The following DACT2 variants were observed in gnomAD, a reference collection of about 807,000 sequenced individuals.
DACT2 encodes the protein dishevelled binding antagonist of beta catenin 2, also known as dapper homolog 2.
DACT2 carries 20 observed loss-of-function variants against 22.2 expected under a neutral mutation model. The observed-to-expected ratio is 0.90, with a 90% confidence interval of 0.63 to 1.31. The LOEUF is 1.31. Among genes scored for constraint, DACT2 ranks in the 50% most tolerant of loss-of-function variants. DACT2 has a pLI of 0.00. For synonymous variants in DACT2, 463 were observed against 479.8 expected (o/e 0.96, Z 0.46); for missense variants, 1,048 against 1,061.4 (o/e 0.99, Z 0.18).
In DACT2 at chr6:168,308,521, C is replaced by G. The variant is rs552681708; in HGVS notation, c.1236G>C (p.Glu412Asp). 12 of 1,551,378 alleles carry G rather than the reference C, an allele frequency of 7.7e-6. No individual in the cohort carries two copies. The South Asian group carries it at 8.3e-5, about 11-fold the overall frequency. The stretch of plus-strand genomic sequence containing the variant: ...GAAGGCTGCCAGACTGCTGGGGACC[C>G]TCAAGGGGCATGTATCCCTGCTGCT... ...GPQQQGYMPL[E>D]GPQQSGSLPE... Residue 412 changes from glutamate to aspartate, a missense_variant, in exon 4 of 4, where the codon GAG (glutamate) becomes GAC (aspartate). Coordinates refer to ENST00000366795, the MANE Select transcript of DACT2 (RefSeq NM_214462.5).
chr6:168,308,879 T>G lies in DACT2; in HGVS notation c.878A>C (p.Lys293Thr), dbSNP rs1467517380. The change falls in exon 4 of 4, where the codon AAG becomes ACG. Residue 293 changes from lysine to threonine, a missense_variant. Physicochemically the swap from Lys to Thr is moderately conservative, Grantham distance 78. Coordinates refer to ENST00000366795, the MANE Select transcript of DACT2 (RefSeq NM_214462.5). The part of the protein sequence containing the change: ...ALQSPLFVLT[K>T]ETPQRGGPSF... ...GGGGCCACCTCTCTGTGGGGTTTCCTTAGTCAGGACAAACAGGGGGCTCTG... is the reference window on the plus strand; with the variant it reads ...GGGGCCACCTCTCTGTGGGGTTTCCGTAGTCAGGACAAACAGGGGGCTCTG... The G allele has an allele frequency of 1.3e-6, 2 of 1,551,068 alleles. No individual in the cohort carries two copies. Among genetic ancestry groups the G allele is most frequent in the Non-Finnish European group, 8.7e-7 (1 of 1,146,868 alleles).
At chr6:168,296,666 G>A (rs539763083) in intron 3 of DACT2, among the ~76,000 whole-genome samples, 1 of 152,352 alleles carries the variant, frequency 6.6e-6, no homozygotes, top group South Asian at 2.1e-4. Context: ...AAGTATCACG[G>A]GCACCTCCAG....
chr6:168,295,015 G>T lies in DACT2; in HGVS notation c.659-311C>A, dbSNP rs537558223. 2.0e-5 allele frequency among the ~76,000 whole-genome samples: 3 copies of T among 152,342 alleles called. No individual in the cohort carries two copies. The South Asian group carries it at 6.2e-4, about 32-fold the overall frequency. ...TCTTGCTTGTGGAACAAGGGGCTCA[G>T]CATCTTCCCTTTGGTGCTGAGTCCC... On this transcript the variant is annotated intron_variant, in intron 3 of 5. Coordinates refer to the DACT2 transcript ENST00000366796.
At chr6:168,306,727 G>A (rs1160094536), downstream of DACT2, among the ~76,000 whole-genome samples, 1 of 152,074 alleles carries the variant, frequency 6.6e-6, no homozygotes, top group Non-Finnish European at 1.5e-5. Flanking sequence ...TGGGATCACA[G>A]GCGTGAGCCA....
intron 4 of DACT2, among the ~76,000 whole-genome samples, chr6:168,294,467 C>T (rs974958754): frequency 1.1e-4 from 16 of 147,938 alleles, no homozygotes; most frequent in Admixed American, 4.7e-4. Flanking sequence ...TATCCCTCCC[C>T]GCTCCCCCCA....
intron 3 of DACT2, among the ~76,000 whole-genome samples, chr6:168,295,516 T>C (rs1778993257): frequency 6.6e-6 from 1 of 152,180 alleles, no homozygotes; most frequent in Non-Finnish European, 1.5e-5. Flanking sequence ...CCAATTTTAT[T>C]TATTATACAG....
intron 3 of DACT2, chr6:168,294,711 AG>A (rs1180711783): frequency 6.9e-7 from 1 of 1,457,506 alleles, no homozygotes; most frequent in Non-Finnish European, 9.0e-7. Flanking sequence ...AGCTCTGGTA[AG>A]AACAAAATGC....
In DACT2 at chr6:168,310,439, G is replaced by T; in HGVS notation, c.387C>A (p.Tyr129Ter). Residue 129 changes from tyrosine to a stop codon, truncating the protein, a stop_gained, in exon 3 of 4, where the codon TAC becomes TAA. Coordinates refer to ENST00000366795, the MANE Select transcript of DACT2 (RefSeq NM_214462.5). LOFTEE classifies it high-confidence loss of function. ...DSDSRPSSGF[Y>*]EMSDGGSCSL... is the part of the protein sequence containing the mutation. ...AGCAGGATCCACCGTCGCTCATCTC[G>T]TAAAAGCCTGGACGGAGCAGACAAG... The T allele has an allele frequency of 1.3e-6, 2 of 1,549,940 alleles. No individual in the cohort carries two copies. Among genetic ancestry groups the T allele is most frequent in the Non-Finnish European group, 1.7e-6 (2 of 1,146,398 alleles).
chr6:168,315,001 C>T (rs1281082350), intron 1 of DACT2, among the ~76,000 whole-genome samples: 1 of 152,208 alleles, frequency 6.6e-6, no homozygotes, highest in Non-Finnish European at 1.5e-5. Flanking sequence ...TCCCTTGGTT[C>T]CCGTGTGCTC....
chr6:168,309,237 G>A lies in DACT2; in HGVS notation c.659-139C>T, dbSNP rs1005772550. 3.9e-5 allele frequency: 53 copies of A among 1,347,458 alleles called. No homozygotes were observed. The African/African-American group carries it at 6.5e-4, about 16-fold the overall frequency. The allele number at this position is 1,347,458 out of a possible 1,614,324, so 83.5% of individuals were successfully genotyped here. On this transcript the variant is annotated intron_variant, in intron 3 of 3. Transcript: ENST00000366795. ...GGAACTCCTGGGTCCCATGGGAGAC[G>A]GCGACTCACAGTCACTGAGGTCCGC...
intron 3 of DACT2, among the ~76,000 whole-genome samples, chr6:168,295,379 C>A (rs1778991046): frequency 6.6e-6 from 1 of 152,148 alleles, no homozygotes; most frequent in Non-Finnish European, 1.5e-5. Context: ...GGTTTGATTG[C>A]AGGCACTGAA....
exon 5 of DACT2, chr6:168,294,168 C>T (rs1004134720): frequency 1.4e-6 from 1 of 702,838 alleles, no homozygotes; most frequent in African/African-American, 1.7e-5. Flanking sequence ...CCACAGAGGC[C>T]ACACTTTCCT....
At chr6:168,300,818 A>G (rs891763672) in intron 3 of DACT2, among the ~76,000 whole-genome samples, 1 of 151,976 alleles carries the variant, frequency 6.6e-6, no homozygotes, top group Non-Finnish European at 1.5e-5. Context: ...AACCCCGTCT[A>G]TGCTAAAGAT....
At position 168,307,516 on chromosome 6, in the gene DACT2, C is replaced by T; in HGVS notation, c.2241G>A (p.Leu747=). ...GGGCCTTGGAGGCCTTAATACGGCA[C>T]AGCTTGGGCACGGGGGACAGGAGTG... ...SGPLLSPVPK[L]CRIKASKALK... Residue 747 remains leucine (L), a synonymous_variant, in exon 4 of 4, where the codon CTG becomes CTA. Coordinates refer to ENST00000366795, the MANE Select transcript of DACT2 (RefSeq NM_214462.5). The surrounding 1 kb of genome is among the most constrained non-coding windows in gnomAD (Gnocchi z 5.3). 2 of 1,551,580 alleles carry T rather than the reference C, an allele frequency of 1.3e-6. No homozygotes were observed. Among genetic ancestry groups the T allele is most frequent in the South Asian group, 1.2e-5 (1 of 84,056 alleles).
Position 168,310,334 on chromosome 6 carries a change from G to A in DACT2, c.492C>T (p.Ala164=). 2 of 1,551,608 alleles carry A rather than the reference G, an allele frequency of 1.3e-6. No homozygotes were observed. The highest frequency in any genetic ancestry group is 1.7e-6 in the Non-Finnish European group (2 of 1,146,942). Reference sequence around the variant, plus strand: ...CCCCCATGCTGGGCCTGGCCTTGTGGGCCTGGGCCACAGGCAACAAACTGC... The same window carrying A: ...CCCCCATGCTGGGCCTGGCCTTGTGAGCCTGGGCCACAGGCAACAAACTGC... ...SLGSLLPVAQ[A]HKARPSMGDW... The change falls in exon 3 of 4, where the codon GCC becomes GCT. Residue 164 remains alanine, a synonymous_variant. Transcript: ENST00000366795.
chr6:168,312,675 C>T (rs1310951364), intron 1 of DACT2, among the ~76,000 whole-genome samples: 1 of 152,138 alleles, frequency 6.6e-6, no homozygotes, highest in African/African-American at 2.4e-5. Context: ...ACGATTAAGG[C>T]AAATAATTAA....
At chr6:168,316,114 T>C (rs1779537061) in intron 1 of DACT2, among the ~76,000 whole-genome samples, 1 of 152,272 alleles carries the variant, frequency 6.6e-6, no homozygotes, top group African/African-American at 2.4e-5. Flanking sequence ...AAAATCTGTT[T>C]GATCTTCTCT....
rs895766632 is a variant in DACT2, at chr6:168,308,809, G to A, written c.948C>T (p.Thr316=). ...ESPRGPAGLN[T]IQTGPVLEAG... The stretch of plus-strand genomic sequence containing the variant: ...CCTCGAGGACCGGCCCAGTCTGGAT[G>A]GTGTTCAGACCTGCGGGGCCCCTGG... Residue 316 remains threonine (T), a synonymous_variant, in exon 4 of 4, where the codon ACC becomes ACT. Transcript: ENST00000366795. 6 of 1,551,368 alleles carry A rather than the reference G, an allele frequency of 3.9e-6. No individual in the cohort carries two copies. The highest frequency in any genetic ancestry group is 5.2e-6 in the Non-Finnish European group (6 of 1,147,018).
At position 168,308,595 on chromosome 6, in the gene DACT2, C is replaced by A; in HGVS notation, c.1162G>T (p.Asp388Tyr). ...CTGCTCTGAGCTGGCCCTCCCTCGT[C>A]CTCCCTCCCTGGGGCGAAGACCAGC... ...RLLVFAPGRE[D>Y]EGGPAQSRGA... The change falls in exon 4 of 4, where the codon GAC (aspartate) becomes TAC (tyrosine). Residue 388 changes from aspartate to tyrosine, a missense_variant. Coordinates refer to ENST00000366795, the MANE Select transcript of DACT2 (RefSeq NM_214462.5). 1.3e-6 allele frequency: 2 copies of A among 1,546,124 alleles called. No homozygotes were observed. Among genetic ancestry groups the A allele is most frequent in the South Asian group, 2.4e-5 (2 of 84,028 alleles).
Sources: gnomAD v4.1 joint callset for allele counts (sites outside exome capture counted in the v4.1 genomes callset) on GRCh38, gnomAD v4.1.1 for gene constraint, Gnocchi (gnomAD v3.1) non-coding constraint, MANE v1.5 for transcripts, NCBI Gene and HGNC (gene_info 2026-07-23, HGNC 2026-07-21) for gene names.